The following TXNDC15 variants were observed in gnomAD, a reference collection of about 807,000 sequenced individuals.
TXNDC15 encodes thioredoxin domain containing 15, also known as thioredoxin domain-containing protein 15.
In TXNDC15, 24 loss-of-function variants were observed where a neutral mutation model predicts 35.0. The observed-to-expected ratio is 0.68, with a 90% CI of 0.50 to 0.96. The LOEUF (loss-of-function observed/expected upper bound fraction) is 0.96, where lower values mean the gene tolerates loss of function less well. TXNDC15 is among the 40% of genes least tolerant of loss of function. The probability of loss-of-function intolerance (pLI) is 0.00; values close to 1 mark genes in which losing one functional copy is unlikely to be tolerated. For synonymous variants in TXNDC15, 169 were observed against 174.0 expected (o/e 0.97, Z 0.23); for missense variants, 385 against 453.3 (o/e 0.85, Z 1.37).
chr5:134,881,828 A>G (rs1183631466), intron 1 of TXNDC15, among the ~76,000 whole-genome samples: 1 of 144,946 alleles, frequency 6.9e-6, no homozygotes, highest in Non-Finnish European at 1.5e-5. Flanking sequence ...TGACGCTCCC[A>G]TCTCCCTCCC....
chr5:134,881,593 A>T (rs1421772043), intron 1 of TXNDC15, among the ~76,000 whole-genome samples: 4 of 128,660 alleles, frequency 3.1e-5, no homozygotes, highest in Non-Finnish European at 3.3e-5. Flanking sequence ...ACCTCTTTCT[A>T]CACAGACACG....
At chr5:134,895,029 TTGAC>T (rs1229467942) in intron 3 of TXNDC15, among the ~76,000 whole-genome samples, 9 of 151,630 alleles carry the variant, frequency 5.9e-5, no homozygotes, top group Middle Eastern at 3.2e-3. Context: ...ATACAAAAAA[TTGAC>T]TGAGGATGGT....
At chr5:134,877,489 G>A (rs1436633920) in intron 1 of TXNDC15, among the ~76,000 whole-genome samples, 5 of 152,326 alleles carry the variant, frequency 3.3e-5, no homozygotes, top group Admixed American at 1.3e-4. Flanking sequence ...GCTGACCAGG[G>A]AGACCAGTTT....
At chr5:134,874,569 C>A (rs200103412) in intron 1 of TXNDC15, 39 bp downstream of exon 1, 15 of 1,516,670 alleles carry the variant, frequency 9.9e-6, no homozygotes, top group Middle Eastern at 1.7e-4. Context: ...GATGATGGGG[C>A]GAGCTGAGGT....
At chr5:134,888,514 G>T (rs960920257) in intron 2 of TXNDC15, among the ~76,000 whole-genome samples, 9 of 152,108 alleles carry the variant, frequency 5.9e-5, no homozygotes, top group African/African-American at 2.2e-4. Context: ...ACAGAGTTTT[G>T]CTCTTGTCAC....
Position 134,874,618 on chromosome 5 carries a change from G to C in TXNDC15, c.103+88G>C, listed in dbSNP as rs368003767. 7.4e-5 allele frequency: 79 copies of C among 1,071,766 alleles called. No individual in the cohort carries two copies. The East Asian group carries it at 1.8e-3, about 25-fold the overall frequency. The allele number at this position is 1,071,766 out of a possible 1,614,324, so 66.4% of individuals were successfully genotyped here. A position where few individuals can be genotyped will look rare whatever the true frequency, so the allele number is the denominator to read the frequency against. ...GCTCTGGACCTGCGCGAAGGCCGGC[G>C]GTGCGCGACTCGCCCCTTCTTGGCG... On this transcript the variant is annotated intron_variant, in intron 1 of 4. Coordinates refer to ENST00000358387, the MANE Select transcript of TXNDC15 (RefSeq NM_024715.4).
intron 1 of TXNDC15, among the ~76,000 whole-genome samples, chr5:134,879,521 C>T (rs1750099656): frequency 6.6e-6 from 1 of 152,134 alleles, no homozygotes; most frequent in African/African-American, 2.4e-5. Flanking sequence ...TTGTGGCTGA[C>T]ACAGAAAACA....
At chr5:134,896,008 C>T in intron 3 of TXNDC15, 1 of 240,610 alleles carries the variant, frequency 4.2e-6, no homozygotes. Flanking sequence ...GTTTTCTGGT[C>T]TGGTTTGTTT....
chr5:134,897,331 T>G (rs1350261214), intron 4 of TXNDC15, among the ~76,000 whole-genome samples: 2 of 152,162 alleles, frequency 1.3e-5, no homozygotes, highest in Non-Finnish European at 2.9e-5. Flanking sequence ...CACTGCAACC[T>G]CTGCCTCCTG....
At chr5:134,887,245 C>T (rs1288695317) in intron 1 of TXNDC15, among the ~76,000 whole-genome samples, 5 of 152,098 alleles carry the variant, frequency 3.3e-5, no homozygotes, top group East Asian at 1.9e-4. Flanking sequence ...AGTGCAGTGG[C>T]GCAGTCTTGG....
At position 134,896,285 on chromosome 5, in the gene TXNDC15, C is replaced by T. The variant is rs1235229918; in HGVS notation, c.756-9C>T. On this transcript the variant is annotated splice_polypyrimidine_tract_variant and intron_variant, in intron 3 of 4. Transcript: ENST00000358387. ...TAAATTCAGGTTTTTTGACTTCTTTCTCTTGTAGCCTTTCTACCAGGTTTG... is the reference window on the plus strand; with the variant it reads ...TAAATTCAGGTTTTTTGACTTCTTTTTCTTGTAGCCTTTCTACCAGGTTTG... 1 of 1,604,870 alleles carries T rather than the reference C, an allele frequency of 6.2e-7. No individual in the cohort carries two copies. Among genetic ancestry groups the T allele is most frequent in the Admixed American group, 1.7e-5 (1 of 57,200 alleles).
chr5:134,896,265 T>G (rs1164930784), intron 3 of TXNDC15, 29 bp from the exon 4 acceptor site: 4 of 1,599,232 alleles, frequency 2.5e-6, no homozygotes, highest in Non-Finnish European at 1.7e-6. Context: ...AATAATAAAT[T>G]CAGGTTTTTT....
rs1750568537 is a variant in TXNDC15, at chr5:134,899,985, A to G, written c.*300A>G. On this transcript the variant is annotated 3_prime_UTR_variant, in exon 5 of 5. Transcript: ENST00000358387. ...ATGTGAAGATGTATTCCGGCAGAAT[A>G]GTGAGTAGAATGACATGCTTACTAT... is the stretch of plus-strand genomic sequence containing the variant. The G allele has an allele frequency of 7.7e-6, 2 of 258,794 alleles. No individual in the cohort carries two copies. Among genetic ancestry groups the G allele is most frequent in the Non-Finnish European group, 1.4e-5 (2 of 138,296 alleles). 16.0% of individuals were successfully genotyped at this position (258,794 alleles called of 1,614,324 possible).
chr5:134,890,347 TTTTTCTTTTC>T (rs374295927), intron 2 of TXNDC15, among the ~76,000 whole-genome samples: 27 of 151,730 alleles, frequency 1.8e-4, no homozygotes, highest in South Asian at 4.2e-4. Context: ...TCGTTTCGTT[TTTTTCTTTTC>T]TTTTCTTTTC....
chr5:134,875,564 A>G (rs1000330596), intron 1 of TXNDC15, among the ~76,000 whole-genome samples: 7 of 150,554 alleles, frequency 4.6e-5, no homozygotes, highest in Admixed American at 1.3e-4. Flanking sequence ...GTGGCCCATC[A>G]TGGCTCCCTG....
chr5:134,874,590 G>A, intron 1 of TXNDC15, 60 bp downstream of exon 1: 1 of 1,404,830 alleles, frequency 7.1e-7, no homozygotes, highest in Non-Finnish European at 9.7e-7. Context: ...CCACCCGGGC[G>A]ACGCTCTGGA....
In TXNDC15 at chr5:134,874,453, C is replaced by A. The variant is rs144324005; in HGVS notation, c.26C>A (p.Pro9Gln). MVPAAGRR[P>Q]PRVMRLLGWW... is the part of the protein sequence containing the mutation. ...ATGGTCCCGGCTGCCGGTCGACGAC[C>A]GCCCCGCGTCATGCGGCTCCTCGGC... The change falls in exon 1 of 5, where the codon CCG becomes CAG. Residue 9 changes from proline to glutamine, a missense_variant. Pro to Gln is a moderately conservative substitution (Grantham distance 76, BLOSUM62 -1). Coordinates refer to ENST00000358387, the MANE Select transcript of TXNDC15 (RefSeq NM_024715.4). The A allele has an allele frequency of 6.2e-7, 1 of 1,604,012 alleles. No homozygotes were observed. The highest frequency in any genetic ancestry group is 8.5e-7 in the Non-Finnish European group (1 of 1,177,462).
chr5:134,889,210 G>A (rs369260627), intron 2 of TXNDC15, among the ~76,000 whole-genome samples: 2 of 152,296 alleles, frequency 1.3e-5, no homozygotes, highest in East Asian at 3.9e-4. Context: ...TAAACAGGTG[G>A]TGGCAGGGAC....
At chr5:134,878,518 G>A (rs1750083336) in intron 1 of TXNDC15, among the ~76,000 whole-genome samples, 1 of 152,168 alleles carries the variant, frequency 6.6e-6, no homozygotes, top group African/African-American at 2.4e-5. Context: ...AAGCCATTGT[G>A]AAAACACCTG....
Sources: allele counts gnomAD v4.1 joint callset (sites outside exome capture counted in the v4.1 genomes callset), GRCh38; gene constraint gnomAD v4.1.1; transcripts MANE v1.5; gene names NCBI Gene and HGNC (gene_info 2026-07-23, HGNC 2026-07-21).